OPCML: variants seen among roughly 807,000 people sequenced by gnomAD.
OPCML encodes the protein opioid-binding protein/cell adhesion molecule.
In OPCML, 13 loss-of-function variants were observed where a neutral mutation model predicts 37.8. The ratio of observed to expected loss-of-function variants is 0.34; its 90% confidence interval spans 0.22 to 0.55. The LOEUF (loss-of-function observed/expected upper bound fraction) is 0.55, where lower values mean the gene tolerates loss of function less well. OPCML is among the 20% of genes least tolerant of loss of function. The pLI is 0.91. For missense variants in OPCML, 341 were observed against 435.6 expected (o/e 0.78, Z 1.93); for synonymous variants, 176 against 168.8 (o/e 1.04, Z -0.33).
chr11:133,288,197 A>G (rs1336137229), intron 1 of OPCML, among the ~76,000 whole-genome samples: 2 of 152,152 alleles, frequency 1.3e-5, no homozygotes, highest in Non-Finnish European at 2.9e-5. Flanking sequence ...TAAGGCTGGC[A>G]TGGAGAGAAG....
At chr11:133,338,834 GT>G (rs1232432921) in intron 1 of OPCML, among the ~76,000 whole-genome samples, 1 of 152,222 alleles carries the variant, frequency 6.6e-6, no homozygotes, top group Non-Finnish European at 1.5e-5. Flanking sequence ...GAGGAATCCT[GT>G]GTATCCTCCA....
intron 1 of OPCML, among the ~76,000 whole-genome samples, chr11:133,445,610 G>A (rs1946458558): frequency 6.6e-6 from 1 of 152,152 alleles, no homozygotes; most frequent in East Asian, 1.9e-4. Flanking sequence ...TTTTCATCTG[G>A]AGAATGTGGT....
At chr11:133,404,718 A>G (rs942841982) in intron 1 of OPCML, among the ~76,000 whole-genome samples, 5 of 152,212 alleles carry the variant, frequency 3.3e-5, no homozygotes, top group Non-Finnish European at 1.5e-5. Context: ...GGGACATTAG[A>G]ATTAGGCTTT....
intron 1 of OPCML, among the ~76,000 whole-genome samples, chr11:133,460,308 GAAACTAAGGAAAAAAGAGTAAGTCC>G (rs1224105231): frequency 6.6e-6 from 1 of 151,588 alleles, no homozygotes; most frequent in Non-Finnish European, 1.5e-5. Context: ...TATATTTTTG[GAAACTAAGGAAAAAAGAGTAAGTCC>G]AAAACTAGCA....
chr11:133,052,406 A>G (rs1345130038), intron 1 of OPCML, among the ~76,000 whole-genome samples: 1 of 152,184 alleles, frequency 6.6e-6, no homozygotes, highest in Non-Finnish European at 1.5e-5. Context: ...TACTTGATGA[A>G]CAGGACTAAA....
rs1433218090 is a variant in OPCML, at chr11:133,211,940, G to A, written c.62-268930C>T. On this transcript the variant is annotated intron_variant, in intron 1 of 7. Transcript: ENST00000524381. The surrounding 1 kb of genome is among the most constrained non-coding windows in gnomAD (Gnocchi z 4.1). ...CCTGCAGTACAAATACCATAAGTTA[G>A]TGTATATACTCAAACAAAGCCATGA... Among the ~76,000 whole-genome samples, 5 of 152,204 alleles carry A rather than the reference G, an allele frequency of 3.3e-5. No individual in the cohort carries two copies. In the East Asian group the frequency reaches 7.7e-4, roughly 23 times the overall value.
chr11:132,952,225 G>GC (rs1945875582), intron 1 of OPCML, among the ~76,000 whole-genome samples: 1 of 152,136 alleles, frequency 6.6e-6, no homozygotes, highest in Non-Finnish European at 1.5e-5. Context: ...GCTCTCTGGG[G>GC]CCCTCTGGTC....
At chr11:133,054,687 C>A (rs1257353679) in intron 1 of OPCML, among the ~76,000 whole-genome samples, 1 of 152,220 alleles carries the variant, frequency 6.6e-6, no homozygotes, top group Non-Finnish European at 1.5e-5. Context: ...CTGCTCTCTC[C>A]TCATAAAGCC....
intron 1 of OPCML, among the ~76,000 whole-genome samples, chr11:133,041,019 C>T (rs1442002834): frequency 1.3e-5 from 2 of 152,208 alleles, no homozygotes; most frequent in Non-Finnish European, 2.9e-5. Context: ...CTGAGAAATA[C>T]TGCAAGTTAG....
At chr11:133,483,719 GATAA>G (rs1269916672) in intron 1 of OPCML, among the ~76,000 whole-genome samples, 1 of 140,374 alleles carries the variant, frequency 7.1e-6, no homozygotes, top group African/African-American at 2.7e-5. Context: ...TAGATAGATA[GATAA>G]AATAGGCAGA....
At position 132,816,169 on chromosome 11, in the gene OPCML, G is replaced by C. The variant is rs80311688; in HGVS notation, c.146+126757C>G. Among the ~76,000 whole-genome samples the C allele has an allele frequency of 2.4e-3, 373 of 152,308 alleles. 4 individuals are homozygous for C. The highest frequency in any genetic ancestry group is 8.5e-3 in the African/African-American group (355 of 41,566). ...AGCAGCATGAAAAATCACGTAGGAT[G>C]ATACTGATTCCAACTTCATGGCATT... On this transcript the variant is annotated intron_variant, in intron 2 of 7. Coordinates refer to ENST00000524381, the MANE Select transcript of OPCML (RefSeq NM_001012393.5).
At chr11:132,879,735 A>C (rs1943155451) in intron 2 of OPCML, among the ~76,000 whole-genome samples, 1 of 152,202 alleles carries the variant, frequency 6.6e-6, no homozygotes. Context: ...TATCTATAAG[A>C]CTAGTTCAGC....
At chr11:133,016,487 T>C (rs1226186822) in intron 1 of OPCML, among the ~76,000 whole-genome samples, 1 of 152,206 alleles carries the variant, frequency 6.6e-6, no homozygotes, top group Non-Finnish European at 1.5e-5. Flanking sequence ...TCCCTTTCTG[T>C]CATCAGCTGG....
At chr11:132,778,961 CT>C (rs10657036) in intron 2 of OPCML, among the ~76,000 whole-genome samples, 348 of 87,910 alleles carry the variant, frequency 4.0e-3, no homozygotes, top group African/African-American at 0.01. Context: ...TGGTATATTT[CT>C]TTTTTTTTTT....
chr11:133,445,271 C>T (rs1467197123), intron 1 of OPCML, among the ~76,000 whole-genome samples: 2 of 152,226 alleles, frequency 1.3e-5, no homozygotes, highest in African/African-American at 4.8e-5. Context: ...AGACCACAGA[C>T]CAATTTCCTC....
chr11:132,667,429 T>C (rs1370814301), intron 2 of OPCML, among the ~76,000 whole-genome samples: 1 of 152,200 alleles, frequency 6.6e-6, no homozygotes, highest in Non-Finnish European at 1.5e-5. Flanking sequence ...GAAACAAAAC[T>C]GCATGAGACA....
chr11:132,701,614 C>A (rs1312968344), intron 2 of OPCML, among the ~76,000 whole-genome samples: 1 of 152,096 alleles, frequency 6.6e-6, no homozygotes, highest in Non-Finnish European at 1.5e-5. Flanking sequence ...CACTCTATGT[C>A]TTTTGATTGG....
intron 1 of OPCML, among the ~76,000 whole-genome samples, chr11:133,157,041 A>G (rs2137205817): frequency 6.6e-6 from 1 of 152,164 alleles, no homozygotes; most frequent in East Asian, 1.9e-4. Flanking sequence ...GAGATACGAG[A>G]TGCTGGGCTC....
chr11:133,527,926 G>C (rs1398337441), intron 1 of OPCML, among the ~76,000 whole-genome samples: 1 of 152,200 alleles, frequency 6.6e-6, no homozygotes, highest in Non-Finnish European at 1.5e-5. Flanking sequence ...ACAGATTTGA[G>C]GCTGTAACCA....
Sources: allele counts gnomAD v4.1 joint callset (sites outside exome capture counted in the v4.1 genomes callset), GRCh38; gene constraint gnomAD v4.1.1; non-coding constraint Gnocchi (gnomAD v3.1); transcripts MANE v1.5; gene names NCBI Gene and HGNC (gene_info 2026-07-23, HGNC 2026-07-21).